HAPLN1: variants seen among roughly 807,000 people sequenced by gnomAD.
The protein encoded by HAPLN1 is hyaluronan and proteoglycan link protein 1.
A neutral mutation model predicts 36.5 loss-of-function variants in HAPLN1; 13 were observed. That is an observed-to-expected ratio of 0.36 (90% confidence interval 0.23 to 0.57). The LOEUF (loss-of-function observed/expected upper bound fraction) is 0.57. Ranked by LOEUF, HAPLN1 falls within the 20% of genes least tolerant of loss-of-function variation. The probability of loss-of-function intolerance (pLI) is 0.83; values close to 1 mark genes in which losing one functional copy is unlikely to be tolerated. For missense variants in HAPLN1, 407 were observed against 439.7 expected (o/e 0.93, Z 0.66); for synonymous variants, 202 against 169.8 (o/e 1.19, Z -1.48).
intron 3 of HAPLN1, among the ~76,000 whole-genome samples, chr5:83,648,115 T>G (rs1561300498): frequency 1.3e-5 from 2 of 152,076 alleles, no homozygotes; most frequent in Non-Finnish European, 2.9e-5. Context: ...CTAGTGACAC[T>G]CTTTTGTTAC....
intron 1 of HAPLN1, among the ~76,000 whole-genome samples, chr5:83,689,006 A>G (rs1271725571): frequency 2.0e-5 from 3 of 152,182 alleles, no homozygotes; most frequent in African/African-American, 7.2e-5. Context: ...TTCTTAGTAC[A>G]TGCATTGTAT....
chr5:83,702,234 GT>G (rs1751524688), intron 1 of HAPLN1, among the ~76,000 whole-genome samples: 1 of 152,108 alleles, frequency 6.6e-6, no homozygotes, highest in South Asian at 2.1e-4. Context: ...TGAAATCTTT[GT>G]GATAAATTTG....
intron 1 of HAPLN1, among the ~76,000 whole-genome samples, chr5:83,713,787 C>T (rs1164529149): frequency 6.6e-6 from 1 of 152,214 alleles, no homozygotes; most frequent in Non-Finnish European, 1.5e-5. Context: ...TCTCAGACTT[C>T]TCGTCCACAT....
intron 1 of HAPLN1, among the ~76,000 whole-genome samples, chr5:83,678,359 C>A (rs192415532): frequency 3.2e-4 from 48 of 152,008 alleles, no homozygotes; most frequent in Non-Finnish European, 5.1e-4. Context: ...TTTACAAACT[C>A]TTTATATTGT....
At chr5:83,709,282 T>C (rs1330008874) in intron 1 of HAPLN1, among the ~76,000 whole-genome samples, 1 of 152,218 alleles carries the variant, frequency 6.6e-6, no homozygotes, top group Non-Finnish European at 1.5e-5. Context: ...CAAATGTTCT[T>C]TTTACACAGT....
intron 2 of HAPLN1, among the ~76,000 whole-genome samples, chr5:83,660,106 A>T (rs1750341763): frequency 6.6e-6 from 1 of 152,110 alleles, no homozygotes; most frequent in Non-Finnish European, 1.5e-5. Flanking sequence ...CTCAAATGGC[A>T]TGTTTTGCCT....
At chr5:83,665,257 C>T (rs377418445) in intron 2 of HAPLN1, among the ~76,000 whole-genome samples, 25 of 152,186 alleles carry the variant, frequency 1.6e-4, no homozygotes, top group Admixed American at 1.4e-3. Context: ...CATAGATAAT[C>T]GTGAAATCAT....
intron 1 of HAPLN1, chr5:83,674,749 G>A (rs1050419784): frequency 1.1e-4 from 17 of 152,302 alleles, no homozygotes; most frequent in Admixed American, 1.0e-3. Context: ...TTATTAAAGA[G>A]CTCTGAGTCT....
chr5:83,668,541 T>C (rs1444555626), intron 2 of HAPLN1, among the ~76,000 whole-genome samples: 1 of 152,224 alleles, frequency 6.6e-6, no homozygotes, highest in Non-Finnish European at 1.5e-5. Flanking sequence ...GATGCCAACA[T>C]TACGGAGTGA....
intron 2 of HAPLN1, among the ~76,000 whole-genome samples, chr5:83,653,045 A>G (rs767623176): frequency 3.5e-4 from 53 of 152,144 alleles, no homozygotes; most frequent in Non-Finnish European, 6.6e-4. Flanking sequence ...AGGAAGTTAC[A>G]TTATCGTCAG....
At chr5:83,703,455 C>T (rs1029140426) in intron 1 of HAPLN1, 1 of 151,982 alleles carries the variant, frequency 6.6e-6, no homozygotes, top group African/African-American at 2.4e-5. Flanking sequence ...TCTGTGCTTG[C>T]TTGAGTAGCA....
intron 1 of HAPLN1, among the ~76,000 whole-genome samples, chr5:83,689,645 G>C (rs974615639): frequency 1.3e-5 from 2 of 152,068 alleles, no homozygotes; most frequent in Admixed American, 1.3e-4. Flanking sequence ...GAAATCAAAT[G>C]TGCAGAATAG....
At chr5:83,661,676 C>A (rs1399983353) in intron 2 of HAPLN1, among the ~76,000 whole-genome samples, 1 of 152,088 alleles carries the variant, frequency 6.6e-6, no homozygotes, top group Non-Finnish European at 1.5e-5. Flanking sequence ...GATCCCTGAC[C>A]TCGTGATCCG....
intron 1 of HAPLN1, among the ~76,000 whole-genome samples, chr5:83,678,101 G>A (rs147541480): frequency 5.9e-5 from 9 of 152,132 alleles, no homozygotes; most frequent in East Asian, 3.9e-4. Flanking sequence ...ATTACTGGGC[G>A]TTCTTCTTCT....
At chr5:83,653,051 G>A (rs3777049) in intron 2 of HAPLN1, among the ~76,000 whole-genome samples, 76,012 of 151,906 alleles carry the variant, frequency 0.5, 19,867 homozygotes, top group South Asian at 0.67. Context: ...TTACATTATC[G>A]TCAGTAAGAA....
At chr5:83,691,904 T>C (rs889215414) in intron 1 of HAPLN1, among the ~76,000 whole-genome samples, 3 of 151,872 alleles carry the variant, frequency 2.0e-5, no homozygotes, top group Non-Finnish European at 2.9e-5. Flanking sequence ...AGAAGAATTA[T>C]TGAATATGTT....
intron 3 of HAPLN1, among the ~76,000 whole-genome samples, chr5:83,651,550 T>A (rs958018005): frequency 7.5e-5 from 3 of 40,106 alleles, no homozygotes; most frequent in African/African-American, 6.0e-4. Flanking sequence ...TCTCCATATA[T>A]GTGATAGGAT....
At chr5:83,704,599 GCAATCCTAATTTTGGAA>G (rs111389711) in intron 1 of HAPLN1, among the ~76,000 whole-genome samples, 4 of 152,306 alleles carry the variant, frequency 2.6e-5, no homozygotes, top group African/African-American at 9.6e-5. Context: ...AGCAGGAGCT[GCAATCCTAATTTTGGAA>G]CAACAGACTT....
At chr5:83,686,486 T>C (rs1751129381) in intron 1 of HAPLN1, among the ~76,000 whole-genome samples, 1 of 152,182 alleles carries the variant, frequency 6.6e-6, no homozygotes, top group Non-Finnish European at 1.5e-5. Context: ...CATATGTTCA[T>C]TCTTATCTTA....
Sources: allele counts gnomAD v4.1 joint callset (sites outside exome capture counted in the v4.1 genomes callset), GRCh38; gene constraint gnomAD v4.1.1; transcripts MANE v1.5; gene names NCBI Gene and HGNC (gene_info 2026-07-23, HGNC 2026-07-21).